Variants in NCKAP5 observed in about 807,000 individuals in gnomAD.
The protein encoded by NCKAP5 is NCK associated protein 5.
In NCKAP5, 92 loss-of-function variants were observed where a neutral mutation model predicts 167.0. The ratio of observed to expected loss-of-function variants is 0.55; its 90% CI spans 0.47 to 0.66. The LOEUF is 0.66. Among genes scored for constraint, NCKAP5 ranks in the 30% least tolerant of loss-of-function variants. The pLI, the probability that NCKAP5 is intolerant of heterozygous loss-of-function variation, is 0.00. For synonymous variants in NCKAP5, 891 were observed against 877.4 expected (o/e 1.02, Z -0.27); for missense variants, 2,378 against 2,315.0 (o/e 1.03, Z -0.56).
At chr2:133,225,930 G>A (rs770788605) in intron 4 of NCKAP5, among the ~76,000 whole-genome samples, 11 of 151,234 alleles carry the variant, frequency 7.3e-5, no homozygotes, top group Non-Finnish European at 1.3e-4. Context: ...CTACAGGCAC[G>A]TGCCACCACA....
intron 4 of NCKAP5, among the ~76,000 whole-genome samples, chr2:133,268,753 A>G (rs538035744): frequency 2.0e-5 from 3 of 152,236 alleles, no homozygotes; most frequent in African/African-American, 2.4e-5. Context: ...TACAGGCGTG[A>G]GCCACCGCAC....
In NCKAP5 at chr2:132,919,472, C is replaced by T. The variant is rs571954640; in HGVS notation, c.580-40556G>A. Among the ~76,000 whole-genome samples, 15 of 152,212 alleles carry T rather than the reference C, an allele frequency of 9.9e-5. No homozygotes were observed. The South Asian group carries it at 2.9e-3, about 29-fold the overall frequency. ...GGAGAGAAGGGTGGGTGGGAGCCAC[C>T]GCTGACAGAGAGTCATTCACTGAAC... is the stretch of plus-strand genomic sequence containing the variant. On this transcript the variant is annotated intron_variant, in intron 8 of 19. Transcript: ENST00000409261.
intron 6 of NCKAP5, among the ~76,000 whole-genome samples, chr2:133,045,837 A>AT (rs1238635075): frequency 6.6e-6 from 1 of 152,158 alleles, no homozygotes; most frequent in East Asian, 1.9e-4. Flanking sequence ...GACAAAATGC[A>AT]TTTGCGATGA....
chr2:132,935,761 T>A (rs1696794499), intron 8 of NCKAP5, among the ~76,000 whole-genome samples: 1 of 152,056 alleles, frequency 6.6e-6, no homozygotes, highest in Non-Finnish European at 1.5e-5. Context: ...GGACCCTTGC[T>A]CACACCTTGG....
At chr2:133,480,687 C>T (rs2151312409) in intron 3 of NCKAP5, among the ~76,000 whole-genome samples, 1 of 152,348 alleles carries the variant, frequency 6.6e-6, no homozygotes, top group South Asian at 2.1e-4. Flanking sequence ...GCTGATTCAA[C>T]AATGCACCTT....
intron 5 of NCKAP5, among the ~76,000 whole-genome samples, chr2:133,145,623 T>C (rs1374323334): frequency 6.6e-6 from 1 of 152,126 alleles, no homozygotes; most frequent in Non-Finnish European, 1.5e-5. Flanking sequence ...AAAATTTGTG[T>C]ACCCTTGGGT....
chr2:132,924,415 C>T (rs1364699849), intron 8 of NCKAP5, among the ~76,000 whole-genome samples: 1 of 152,062 alleles, frequency 6.6e-6, no homozygotes, highest in African/African-American at 2.4e-5. Context: ...GCTCTAAACC[C>T]AAAGATTAAG....
chr2:133,375,116 C>T (rs1411158796), intron 3 of NCKAP5, among the ~76,000 whole-genome samples: 2 of 152,196 alleles, frequency 1.3e-5, no homozygotes, highest in South Asian at 4.1e-4. Context: ...TTAAAATGAA[C>T]TCTTTCCAGG....
At chr2:132,800,260 C>CGGG (rs1684921722) in intron 11 of NCKAP5, among the ~76,000 whole-genome samples, 4 of 152,136 alleles carry the variant, frequency 2.6e-5, no homozygotes, top group Admixed American at 2.6e-4. Context: ...ATGTATAGTT[C>CGGG]ATATTTACTG....
the NCKAP5 span, among the ~76,000 whole-genome samples, chr2:133,574,359 G>A: frequency 2.6e-5 from 4 of 152,184 alleles, no homozygotes; most frequent in South Asian, 4.1e-4. Context: ...ATGCCCCAGG[G>A]AAGAGGCAGG....
At chr2:133,203,683 C>G (rs2085809773) in intron 5 of NCKAP5, among the ~76,000 whole-genome samples, 1 of 152,022 alleles carries the variant, frequency 6.6e-6, no homozygotes, top group African/African-American at 2.4e-5. Context: ...GAGGAATTTA[C>G]CTAAATCTAA....
the NCKAP5 span, among the ~76,000 whole-genome samples, chr2:133,665,803 T>C: frequency 2.6e-4 from 40 of 152,336 alleles, no homozygotes; most frequent in Non-Finnish European, 2.1e-4. Context: ...TTAACATTCA[T>C]TTTCAAAATC....
chr2:133,563,648 A>T (rs1476022456), intron 1 of NCKAP5, among the ~76,000 whole-genome samples: 1 of 149,242 alleles, frequency 6.7e-6, no homozygotes, highest in Non-Finnish European at 1.5e-5. Flanking sequence ...GACTGCGCAT[A>T]GGCGTTAGAC....
At chr2:133,066,214 A>G (rs1042298498) in intron 6 of NCKAP5, among the ~76,000 whole-genome samples, 2 of 152,240 alleles carry the variant, frequency 1.3e-5, no homozygotes, top group African/African-American at 4.8e-5. Context: ...TAAAGGCTTA[A>G]TTACCAAACT....
intron 8 of NCKAP5, among the ~76,000 whole-genome samples, chr2:132,919,700 A>T (rs1695159542): frequency 6.6e-6 from 1 of 152,148 alleles, no homozygotes; most frequent in Non-Finnish European, 1.5e-5. Context: ...AAAAAGATAA[A>T]GCAAAAAAAG....
intron 5 of NCKAP5, among the ~76,000 whole-genome samples, chr2:133,170,774 C>T (rs189018092): frequency 1.6e-3 from 247 of 152,268 alleles, no homozygotes; most frequent in Admixed American, 3.7e-3. Context: ...CATTTCATTC[C>T]ATATTGTCCT....
intron 10 of NCKAP5, among the ~76,000 whole-genome samples, chr2:132,868,637 CA>C (rs1171522582): frequency 5.9e-5 from 9 of 152,068 alleles, no homozygotes; most frequent in Non-Finnish European, 1.3e-4. Flanking sequence ...GAGAATTCAC[CA>C]ACTTATTGCA....
upstream of NCKAP5, among the ~76,000 whole-genome samples, chr2:133,572,825 G>C (rs1231159078): frequency 6.6e-6 from 1 of 152,176 alleles, no homozygotes; most frequent in Non-Finnish European, 1.5e-5. Flanking sequence ...GGGGCCTTGA[G>C]AACCCTCGTG....
chr2:132,970,798 T>A (rs1225011784), intron 7 of NCKAP5, among the ~76,000 whole-genome samples: 2 of 152,142 alleles, frequency 1.3e-5, no homozygotes, highest in African/African-American at 4.8e-5. Context: ...CTGGAACGCA[T>A]CAAGTGAACT....
Sources: allele counts gnomAD v4.1 joint callset (sites outside exome capture counted in the v4.1 genomes callset), GRCh38; gene constraint gnomAD v4.1.1; transcripts MANE v1.5; gene names NCBI Gene and HGNC (gene_info 2026-07-23, HGNC 2026-07-21).